Variants in FNDC1 observed in about 807,000 individuals in gnomAD.
The protein encoded by FNDC1 is fibronectin type III domain containing 1.
In FNDC1, 96 loss-of-function variants were observed where a neutral mutation model predicts 168.0. That is an observed-to-expected ratio of 0.57 (90% CI 0.48 to 0.68). The LOEUF is 0.68. FNDC1 is among the 30% of genes least tolerant of loss of function. The probability of loss-of-function intolerance (pLI) is 0.00; values close to 1 mark genes in which losing one functional copy is unlikely to be tolerated. For synonymous variants in FNDC1, 1,099 were observed against 1,025.9 expected (o/e 1.07, Z -1.36); for missense variants, 2,587 against 2,482.1 (o/e 1.04, Z -0.90).
rs1225888214 is a variant in FNDC1, at chr6:159,197,421, G to C, written c.110-10G>C. 1 of 1,603,896 alleles carries C rather than the reference G, an allele frequency of 6.2e-7. No individual in the cohort carries two copies. The highest frequency in any genetic ancestry group is 8.5e-7 in the Non-Finnish European group (1 of 1,175,688). On this transcript the variant is annotated splice_polypyrimidine_tract_variant and intron_variant, in intron 1 of 22. Coordinates refer to ENST00000297267, the MANE Select transcript of FNDC1 (RefSeq NM_032532.3). ...ATTGCCATGAGTTGATAGTTGCGCTGTTTACATAGTTGACCACCCACTGAA... is the reference window on the plus strand; with the variant it reads ...ATTGCCATGAGTTGATAGTTGCGCTCTTTACATAGTTGACCACCCACTGAA...
chr6:159,251,487 G>C lies in FNDC1; in HGVS notation c.5020G>C (p.Val1674Leu). ...VVAVEGCHSFVIVDWDKATPG... is the reference protein window; with the variant it reads ...VVAVEGCHSFLIVDWDKATPG... ...GGCCGTGGAAGGTTGCCACTCATTTGTCATTGTGGACTGGGACAAAGCCAC... is the reference window on the plus strand; with the variant it reads ...GGCCGTGGAAGGTTGCCACTCATTTCTCATTGTGGACTGGGACAAAGCCAC... Residue 1674 changes from valine to leucine, a missense_variant, in exon 17 of 23, where the codon GTC (valine) becomes CTC (leucine). Val to Leu is a conservative substitution (Grantham distance 32). Transcript: ENST00000297267. 1 of 1,613,896 alleles carries C rather than the reference G, an allele frequency of 6.2e-7. No individual in the cohort carries two copies. The highest frequency in any genetic ancestry group is 8.5e-7 in the Non-Finnish European group (1 of 1,179,874).
rs1400790835 is a variant in FNDC1, at chr6:159,232,382, G to A, written c.1870G>A (p.Ala624Thr). ...PSASASPAHH[A>T]STQGTSHRPS... ...GGCTTCGGCCTCTCCTGCCCACCACGCGTCCACCCAGGGCACCTCTCATCG... is the reference window on the plus strand; with the variant it reads ...GGCTTCGGCCTCTCCTGCCCACCACACGTCCACCCAGGGCACCTCTCATCG... Residue 624 changes from alanine (A) to threonine (T), a missense_variant, in exon 11 of 23, where the codon GCG (alanine) becomes ACG (threonine). By Grantham distance (58) the Ala-to-Thr change is moderately conservative (BLOSUM62 0). Transcript: ENST00000297267. The surrounding 1 kb of genome is among the most constrained non-coding windows in gnomAD (Gnocchi z 4.9). The A allele has an allele frequency of 1.3e-5, 21 of 1,613,260 alleles. No individual in the cohort carries two copies. The highest frequency in any genetic ancestry group is 2.2e-5 in the East Asian group (1 of 44,850).
chr6:159,191,293 A>G (rs1303455032), intron 1 of FNDC1, among the ~76,000 whole-genome samples: 1 of 152,162 alleles, frequency 6.6e-6, no homozygotes, highest in African/African-American at 2.4e-5. Flanking sequence ...CCTAGGAATC[A>G]ATGAATTGTC....
At chr6:159,223,289 C>G (rs977792790) in intron 6 of FNDC1, among the ~76,000 whole-genome samples, 1 of 152,200 alleles carries the variant, frequency 6.6e-6, no homozygotes, top group Non-Finnish European at 1.5e-5. Flanking sequence ...AACCACCACA[C>G]CTGGCCGAAA....
At chr6:159,258,370 A>G (rs1211127417) in intron 18 of FNDC1, among the ~76,000 whole-genome samples, 3 of 152,142 alleles carry the variant, frequency 2.0e-5, no homozygotes, top group African/African-American at 7.2e-5. Flanking sequence ...GAGAGTATAT[A>G]ATGGGGGATT....
chr6:159,202,125 A>G (rs751931427), intron 4 of FNDC1, among the ~76,000 whole-genome samples: 10 of 152,134 alleles, frequency 6.6e-5, no homozygotes, highest in Non-Finnish European at 1.5e-4. Flanking sequence ...GCTATAATAC[A>G]TGATGTTTCA....
intron 14 of FNDC1, among the ~76,000 whole-genome samples, chr6:159,242,074 G>A (rs1377965755): frequency 1.3e-5 from 2 of 152,166 alleles, no homozygotes; most frequent in Non-Finnish European, 2.9e-5. Flanking sequence ...CAAAGAGATG[G>A]AGTCAACCCA....
intron 14 of FNDC1, among the ~76,000 whole-genome samples, chr6:159,242,417 C>CA (rs1783443937): frequency 6.6e-6 from 1 of 152,022 alleles, no homozygotes; most frequent in African/African-American, 2.4e-5. Context: ...TTGATCTGTC[C>CA]AGCAAACCAC....
chr6:159,247,087 G>A, intron 15 of FNDC1, 118 bp downstream of exon 15: 1 of 774,974 alleles, frequency 1.3e-6, no homozygotes, highest in Non-Finnish European at 2.2e-6. Context: ...TGGGCCGGTG[G>A]CAATGCCGAG....
At chr6:159,197,727 A>G (rs934616501) in intron 2 of FNDC1, 102 bp downstream of exon 2, 48 of 1,088,312 alleles carry the variant, frequency 4.4e-5, no homozygotes, top group Non-Finnish European at 5.8e-5. Flanking sequence ...GGCTGGGCTC[A>G]AGGTCCCTTA....
intron 5 of FNDC1, among the ~76,000 whole-genome samples, chr6:159,215,411 C>T (rs1782689083): frequency 6.6e-6 from 1 of 152,222 alleles, no homozygotes; most frequent in Non-Finnish European, 1.5e-5. Flanking sequence ...CTCCTTGAGT[C>T]AGGCCATTTT....
intron 5 of FNDC1, among the ~76,000 whole-genome samples, chr6:159,217,481 C>T (rs943714204): frequency 4.6e-5 from 7 of 152,296 alleles, no homozygotes; most frequent in Admixed American, 2.6e-4. Flanking sequence ...CAAATTCTAC[C>T]CCGCATATCA....
chr6:159,192,169 C>T (rs1209655972), intron 1 of FNDC1, among the ~76,000 whole-genome samples: 10 of 152,172 alleles, frequency 6.6e-5, no homozygotes, highest in African/African-American at 9.7e-5. Context: ...TGAGCCACCA[C>T]GCTCAGCCAT....
chr6:159,219,194 C>T (rs1166218282), intron 5 of FNDC1, among the ~76,000 whole-genome samples: 3 of 152,284 alleles, frequency 2.0e-5, no homozygotes, highest in African/African-American at 7.2e-5. Flanking sequence ...GCACCTGCCA[C>T]CATGCCCAGC....
Position 159,233,715 on chromosome 6 carries a change from T to G in FNDC1, c.3203T>G (p.Leu1068Arg). Residue 1068 changes from leucine to arginine, a missense_variant, in exon 11 of 23, where the codon CTC (leucine) becomes CGC (arginine). Physicochemically the swap from Leu to Arg is moderately radical, Grantham distance 102 (BLOSUM62 -2). Transcript: ENST00000297267. The surrounding 1 kb of genome is among the most constrained non-coding windows in gnomAD (Gnocchi z 4.6). Reference protein sequence around the residue: ...ASSRGMLPTALQNQDEDAQGS... With the variant: ...ASSRGMLPTARQNQDEDAQGS... ...TCCAGAGGGATGCTCCCCACGGCCCTCCAGAACCAGGACGAGGATGCCCAG... is the reference window on the plus strand; with the variant it reads ...TCCAGAGGGATGCTCCCCACGGCCCGCCAGAACCAGGACGAGGATGCCCAG... 1 of 1,549,706 alleles carries G rather than the reference T, an allele frequency of 6.5e-7. No individual in the cohort carries two copies. Among genetic ancestry groups the G allele is most frequent in the Non-Finnish European group, 8.7e-7 (1 of 1,146,770 alleles).
chr6:159,266,333 G>A, intron 21 of FNDC1, 88 bp downstream of exon 21: 3 of 1,351,008 alleles, frequency 2.2e-6, no homozygotes, highest in Admixed American at 1.7e-5. Flanking sequence ...GCATCGGAAT[G>A]TTTATGAGGG....
chr6:159,265,383 G>A (rs1777568890), intron 20 of FNDC1, among the ~76,000 whole-genome samples: 1 of 152,192 alleles, frequency 6.6e-6, no homozygotes, highest in South Asian at 2.1e-4. Context: ...TTGCTTGACT[G>A]CAAATCAGGT....
Position 159,197,625 on chromosome 6 carries a change from G to A in FNDC1, c.304G>A (p.Glu102Lys). The A allele has an allele frequency of 6.2e-7, 1 of 1,608,306 alleles. No individual in the cohort carries two copies. The highest frequency in any genetic ancestry group is 8.5e-7 in the Non-Finnish European group (1 of 1,177,016). ...ETYSFLIEDV[E>K]PGVVYFVLLT... Reference sequence around the variant, plus strand: ...ATACTCCTTCCTTATTGAGGATGTGGGTAAGTGACACTCTGATCTTGTTCC... The same window carrying A: ...ATACTCCTTCCTTATTGAGGATGTGAGTAAGTGACACTCTGATCTTGTTCC... The change falls in exon 2 of 23, where the codon GAG becomes AAG. Residue 102 changes from glutamate (E) to lysine (K), a missense_variant and splice_region_variant. Glu to Lys is a moderately conservative substitution (Grantham distance 56). Coordinates refer to ENST00000297267, the MANE Select transcript of FNDC1 (RefSeq NM_032532.3).
rs1777200702 is a variant in FNDC1 at position 159,249,060 on chromosome 6, G to A, written c.4712G>A (p.Arg1571Lys). Residue 1571 changes from arginine (R) to lysine (K), a missense_variant, in exon 16 of 23, where the codon AGG (arginine) becomes AAG (lysine). Physicochemically the swap from Arg to Lys is conservative, Grantham distance 26. Coordinates refer to ENST00000297267, the MANE Select transcript of FNDC1 (RefSeq NM_032532.3). ...TCAGATTATGAATTTGAGACGTCAA[G>A]GCCACCAACCACCACTGAGCCTTCG... is the stretch of plus-strand genomic sequence containing the variant. The part of the protein sequence containing the change: ...YDEDYEFETS[R>K]PPTTTEPSTT... 1.2e-6 allele frequency: 2 copies of A among 1,601,462 alleles called. No homozygotes were observed. The highest frequency in any genetic ancestry group is 8.5e-7 in the Non-Finnish European group (1 of 1,173,908).
Sources: gnomAD v4.1 joint callset for allele counts (sites outside exome capture counted in the v4.1 genomes callset) on GRCh38, gnomAD v4.1.1 for gene constraint, Gnocchi (gnomAD v3.1) non-coding constraint, MANE v1.5 for transcripts, NCBI Gene and HGNC (gene_info 2026-07-23, HGNC 2026-07-21) for gene names.